GRIN2B: variants seen among roughly 807,000 people sequenced by gnomAD.
GRIN2B encodes the protein glutamate ionotropic receptor NMDA type subunit 2B.
In GRIN2B, 5 loss-of-function variants were observed where a neutral mutation model predicts 114.5. The observed-to-expected ratio is 0.04, with a 90% CI of 0.02 to 0.09. GRIN2B has a LOEUF of 0.09. Ranked by LOEUF, GRIN2B falls within the 10% of genes least tolerant of loss-of-function variation. The pLI, the probability that GRIN2B is intolerant of heterozygous loss-of-function variation, is 1.00. For missense variants in GRIN2B, 1,108 were observed against 1,943.5 expected (o/e 0.57, Z 8.08); for synonymous variants, 787 against 745.1 (o/e 1.06, Z -0.92).
chr12:13,810,488 T>A (rs1488556382), intron 3 of GRIN2B, among the ~76,000 whole-genome samples: 3 of 152,174 alleles, frequency 2.0e-5, no homozygotes, highest in African/African-American at 7.2e-5. Context: ...AGGAAATATT[T>A]GTTGATTGGG....
In GRIN2B at chr12:13,540,500, C is replaced by A. The variant is rs1948263642; in HGVS notation, c.*22283G>T. On this transcript the variant is annotated 3_prime_UTR_variant, in exon 14 of 14. Transcript: ENST00000609686. ...AAAGACCCCCCACCCCCACCCGACCCCAATGAGAAACAAGATAAATCAAAA... is the reference window on the plus strand; with the variant it reads ...AAAGACCCCCCACCCCCACCCGACCACAATGAGAAACAAGATAAATCAAAA... 1 of 150,832 alleles carries A rather than the reference C, an allele frequency of 6.6e-6. No homozygotes were observed. The highest frequency in any genetic ancestry group is 1.5e-5 in the Non-Finnish European group (1 of 67,778). The allele number at this position is 150,832 out of a possible 1,614,324, so 9.3% of individuals were successfully genotyped here.
At chr12:13,659,632 TA>T (rs1335905506) in intron 5 of GRIN2B, among the ~76,000 whole-genome samples, 2 of 151,132 alleles carry the variant, frequency 1.3e-5, no homozygotes, top group East Asian at 1.9e-4. Context: ...ACAATTTTTT[TA>T]AAAAAAAACT....
At chr12:13,573,572 TTA>T (rs1948734141) in intron 10 of GRIN2B, among the ~76,000 whole-genome samples, 1 of 151,890 alleles carries the variant, frequency 6.6e-6, no homozygotes, top group Non-Finnish European at 1.5e-5. Flanking sequence ...TCTAAGCTTC[TTA>T]TTCTATTAGT....
chr12:13,564,203 G>C lies in GRIN2B; in HGVS notation c.3035C>G (p.Thr1012Ser). Residue 1012 changes from threonine (T) to serine (S), a missense_variant, in exon 14 of 14, where the codon ACC (threonine) becomes AGC (serine). By Grantham distance (58) the Thr-to-Ser change is moderately conservative. Coordinates refer to ENST00000609686, the MANE Select transcript of GRIN2B (RefSeq NM_000834.5). The surrounding 1 kb of genome is among the most constrained non-coding windows in gnomAD (Gnocchi z 4.8). ...CTTGCTGATGGACCTGGACTGGGTG[G>C]TGAAGGGTGGGTTGTCACAGTCGTA... ...GLYDCDNPPF[T>S]TQSRSISKKP... 1 of 1,614,174 alleles carries C rather than the reference G, an allele frequency of 6.2e-7. No individual in the cohort carries two copies. Among genetic ancestry groups the C allele is most frequent in the Non-Finnish European group, 8.5e-7 (1 of 1,180,028 alleles).
At chr12:13,568,041 T>C (rs1948664232) in intron 12 of GRIN2B, among the ~76,000 whole-genome samples, 1 of 152,036 alleles carries the variant, frequency 6.6e-6, no homozygotes, top group Non-Finnish European at 1.5e-5. Context: ...CCCTCAGATT[T>C]ACTGATCTCT....
intron 2 of GRIN2B, among the ~76,000 whole-genome samples, chr12:13,941,147 G>A (rs886136750): frequency 6.6e-5 from 10 of 152,100 alleles, no homozygotes; most frequent in Non-Finnish European, 1.2e-4. Context: ...CTCTGTGGCC[G>A]TTGGATAGAG....
At chr12:13,612,361 T>C (rs962916667) in intron 8 of GRIN2B, among the ~76,000 whole-genome samples, 3 of 152,240 alleles carry the variant, frequency 2.0e-5, no homozygotes, top group African/African-American at 7.2e-5. Context: ...CAGCCCCCTT[T>C]TCCCCTTGTA....
intron 3 of GRIN2B, among the ~76,000 whole-genome samples, chr12:13,836,321 C>T (rs1201750812): frequency 1.3e-5 from 2 of 152,268 alleles, no homozygotes; most frequent in South Asian, 2.1e-4. Context: ...TTCGGCCACA[C>T]CTGTAACCAT....
chr12:13,781,260 T>G (rs1306065935), intron 3 of GRIN2B, among the ~76,000 whole-genome samples: 1 of 152,214 alleles, frequency 6.6e-6, no homozygotes, highest in East Asian at 1.9e-4. Flanking sequence ...GGCACGAAAG[T>G]TGAGATCAAC....
intron 4 of GRIN2B, among the ~76,000 whole-genome samples, chr12:13,726,490 ATGCCAC>A (rs1225741800): frequency 6.7e-6 from 1 of 149,480 alleles, no homozygotes; most frequent in East Asian, 1.9e-4. Context: ...AGCCAAGATC[ATGCCAC>A]TGCACTCCAG....
chr12:13,681,901 C>A (rs1340554690), intron 4 of GRIN2B, among the ~76,000 whole-genome samples: 1 of 152,060 alleles, frequency 6.6e-6, no homozygotes, highest in East Asian at 1.9e-4. Context: ...AAACACAATT[C>A]TTTTGAAAGA....
chr12:13,704,975 A>G (rs12809496), intron 4 of GRIN2B, among the ~76,000 whole-genome samples: 39,379 of 152,054 alleles, frequency 0.26, 6,340 homozygotes, highest in Non-Finnish European at 0.37. Flanking sequence ...GAATATCTTC[A>G]CAACCAATAC....
At position 13,866,084 on chromosome 12, in the gene GRIN2B, A is replaced by G. The variant is rs796052580; in HGVS notation, c.125T>C (p.Val42Ala). 6.2e-7 allele frequency: 1 copy of G among 1,613,950 alleles called. No homozygotes were observed. Among genetic ancestry groups the G allele is most frequent in the Non-Finnish European group, 8.5e-7 (1 of 1,180,004 alleles). The change falls in exon 3 of 14, where the codon GTG (valine) becomes GCG (alanine). Residue 42 changes from valine to alanine, a missense_variant. Physicochemically the swap from Val to Ala is moderately conservative, Grantham distance 64. Coordinates refer to ENST00000609686, the MANE Select transcript of GRIN2B (RefSeq NM_000834.5). ...GATGGCCACCTCGTCGGAAGTGCCC[A>G]CGAGGATGACAGCAATGCCAATGCT... ...PPSIGIAVILVGTSDEVAIKD... is the reference protein window; with the variant it reads ...PPSIGIAVILAGTSDEVAIKD...
intron 2 of GRIN2B, among the ~76,000 whole-genome samples, chr12:13,874,748 G>A (rs1398622179): frequency 1.3e-5 from 2 of 152,120 alleles, no homozygotes; most frequent in African/African-American, 4.8e-5. Flanking sequence ...AGAGGGGGAC[G>A]GGCAGTGAAA....
Position 13,866,003 on chromosome 12 carries a change from T to A in GRIN2B, c.206A>T (p.Glu69Val). The A allele has an allele frequency of 6.2e-7, 1 of 1,613,996 alleles. No homozygotes were observed. The highest frequency in any genetic ancestry group is 1.7e-5 in the Admixed American group (1 of 59,978). ...GTCGGTCTCATTCATGGCTACCAGTTCCACCCGGGGTACCACGGAGAGATG... is the reference window on the plus strand; with the variant it reads ...GTCGGTCTCATTCATGGCTACCAGTACCACCCGGGGTACCACGGAGAGATG... ...FHHLSVVPRV[E>V]LVAMNETDPK... The change falls in exon 3 of 14, where the codon GAA becomes GTA. Residue 69 changes from glutamate to valine, a missense_variant. Physicochemically the swap from Glu to Val is moderately radical, Grantham distance 121 (BLOSUM62 -2). Coordinates refer to ENST00000609686, the MANE Select transcript of GRIN2B (RefSeq NM_000834.5).
intron 5 of GRIN2B, among the ~76,000 whole-genome samples, chr12:13,645,109 G>A (rs138978872): frequency 3.3e-5 from 5 of 152,140 alleles, no homozygotes; most frequent in African/African-American, 1.2e-4. Flanking sequence ...GCCTTTCTAG[G>A]TTTTCCATGA....
intron 10 of GRIN2B, among the ~76,000 whole-genome samples, chr12:13,602,859 C>T (rs939365657): frequency 3.3e-5 from 5 of 152,200 alleles, no homozygotes; most frequent in Admixed American, 6.5e-5. Flanking sequence ...AACTCCTCTA[C>T]TTCCTTGAGG....
chr12:13,878,542 C>G (rs1866025445), intron 2 of GRIN2B, among the ~76,000 whole-genome samples: 1 of 152,220 alleles, frequency 6.6e-6, no homozygotes, highest in East Asian at 1.9e-4. Context: ...AGTGCGGCTT[C>G]TGTGTTCTGC....
chr12:13,788,033 C>A (rs1299049824), intron 3 of GRIN2B, among the ~76,000 whole-genome samples: 1 of 152,286 alleles, frequency 6.6e-6, no homozygotes, highest in Admixed American at 6.5e-5. Context: ...ACCTTAAGAC[C>A]TTTTGGGACT....
Sources: allele counts gnomAD v4.1 joint callset (sites outside exome capture counted in the v4.1 genomes callset), GRCh38; gene constraint gnomAD v4.1.1; non-coding constraint Gnocchi (gnomAD v3.1); transcripts MANE v1.5; gene names NCBI Gene and HGNC (gene_info 2026-07-23, HGNC 2026-07-21).